SNTG1: variants seen among roughly 807,000 people sequenced by gnomAD.
SNTG1 encodes the protein syntrophin gamma 1, also known as gamma-1-syntrophin.
Under a neutral mutation model 74.7 loss-of-function variants are expected in SNTG1, and 39 were observed. That is an observed-to-expected ratio of 0.52 (90% CI 0.40 to 0.68). SNTG1 has a LOEUF of 0.68. SNTG1 is among the 30% of genes least tolerant of loss of function. The pLI is 0.00. For synonymous variants in SNTG1, 254 were observed against 217.1 expected (o/e 1.17, Z -1.49); for missense variants, 685 against 609.5 (o/e 1.12, Z -1.30).
At chr8:50,002,383 T>C (rs1342611462) in intron 1 of SNTG1, among the ~76,000 whole-genome samples, 1 of 152,236 alleles carries the variant, frequency 6.6e-6, no homozygotes, top group Middle Eastern at 3.4e-3. Flanking sequence ...CATATGTATG[T>C]AGAAAAAAAG....
intron 18 of SNTG1, among the ~76,000 whole-genome samples, chr8:50,776,127 T>C (rs1554632069): frequency 6.6e-6 from 1 of 151,148 alleles, no homozygotes; most frequent in Non-Finnish European, 1.5e-5. Context: ...TATTTATAAT[T>C]ATATATTTGA....
At chr8:49,915,064 C>G (rs1225288813) in intron 1 of SNTG1, 1 of 152,140 alleles carries the variant, frequency 6.6e-6, no homozygotes, top group African/African-American at 2.4e-5. Flanking sequence ...GAAACAAGTA[C>G]TACTTGACAG....
chr8:49,935,555 A>G (rs1228132745), intron 1 of SNTG1, among the ~76,000 whole-genome samples: 5 of 151,900 alleles, frequency 3.3e-5, no homozygotes, highest in South Asian at 4.1e-4. Context: ...AGAAAAAAAA[A>G]TCATGCAGCC....
chr8:50,041,673 C>G (rs1439725176), intron 1 of SNTG1, among the ~76,000 whole-genome samples: 1 of 152,120 alleles, frequency 6.6e-6, no homozygotes, highest in Non-Finnish European at 1.5e-5. Context: ...GACTGTGGAA[C>G]CATATTTGTG....
At chr8:49,944,214 G>A (rs1808951351) in intron 1 of SNTG1, among the ~76,000 whole-genome samples, 1 of 151,892 alleles carries the variant, frequency 6.6e-6, no homozygotes, top group South Asian at 2.1e-4. Flanking sequence ...CTGAGAAAAG[G>A]GCAGCTCCTA....
intron 2 of SNTG1, among the ~76,000 whole-genome samples, chr8:50,259,597 T>C (rs1169383045): frequency 6.6e-6 from 1 of 150,854 alleles, no homozygotes; most frequent in Non-Finnish European, 1.5e-5. Context: ...AAAAGCACAT[T>C]TCCAAATAAA....
intron 1 of SNTG1, among the ~76,000 whole-genome samples, chr8:49,987,649 C>CTTTT (rs35381511): frequency 3.8e-5 from 5 of 131,544 alleles, no homozygotes; most frequent in African/African-American, 8.7e-5. Flanking sequence ...TTAAATTAAC[C>CTTTT]TTTTTTTTTT....
chr8:49,938,040 G>A (rs1287992173), intron 1 of SNTG1, among the ~76,000 whole-genome samples: 2 of 151,876 alleles, frequency 1.3e-5, no homozygotes, highest in African/African-American at 4.8e-5. Flanking sequence ...CCCTTCCCTG[G>A]CTACAAAAGT....
intron 2 of SNTG1, among the ~76,000 whole-genome samples, chr8:50,187,178 T>C (rs1240350477): frequency 1.3e-5 from 2 of 152,096 alleles, no homozygotes; most frequent in East Asian, 1.9e-4. Context: ...TTAAATTTCA[T>C]ATGGAACCAA....
intron 9 of SNTG1, among the ~76,000 whole-genome samples, chr8:50,519,870 C>T (rs1259640320): frequency 6.6e-6 from 1 of 151,862 alleles, no homozygotes. Flanking sequence ...TGAAAATGGC[C>T]ATACTACCCA....
chr8:50,462,794 C>CTTTTT lies in SNTG1; in HGVS notation c.363+12066_363+12067insTTTTT, dbSNP rs2093576027. On this transcript the variant is annotated intron_variant, in intron 8 of 18. Coordinates refer to ENST00000642720, the MANE Select transcript of SNTG1 (RefSeq NM_018967.5). ...AACTCAGTCGCATCTTCAGGTTCTACTCTTTTTTTTTTTTTTTTTTTTTTT... is the reference window on the plus strand; with the variant it reads ...AACTCAGTCGCATCTTCAGGTTCTACTTTTTTCTTTTTTTTTTTTTTTTTTTTTTT... Among the ~76,000 whole-genome samples the CTTTTT allele has an allele frequency of 1.8e-4, 8 of 43,626 alleles. 2 individuals carry two copies. The highest frequency in any genetic ancestry group is 1.9e-4 in the Non-Finnish European group (4 of 21,436). 28.6% of individuals were successfully genotyped at this position (43,626 alleles called of 152,430 possible). A position where few individuals can be genotyped will look rare whatever the true frequency, so the allele number is the denominator to read the frequency against.
intron 1 of SNTG1, among the ~76,000 whole-genome samples, chr8:50,062,703 T>C (rs1056340737): frequency 1.3e-5 from 2 of 152,234 alleles, no homozygotes; most frequent in African/African-American, 4.8e-5. Flanking sequence ...TTACTTTTTC[T>C]TGGTCAGCAT....
intron 18 of SNTG1, among the ~76,000 whole-genome samples, chr8:50,787,224 G>A (rs1350478938): frequency 6.6e-6 from 1 of 151,808 alleles, no homozygotes; most frequent in Non-Finnish European, 1.5e-5. Flanking sequence ...TTGTCAATAA[G>A]CACAAGAAAT....
At chr8:50,367,093 A>G (rs1419653288) in intron 2 of SNTG1, among the ~76,000 whole-genome samples, 3 of 151,850 alleles carry the variant, frequency 2.0e-5, no homozygotes, top group Non-Finnish European at 1.5e-5. Flanking sequence ...AGAGTTGATG[A>G]TAATTGTTCT....
intron 17 of SNTG1, among the ~76,000 whole-genome samples, chr8:50,717,647 TCAGGGAGTTG>T (rs1293984543): frequency 2.6e-5 from 4 of 152,334 alleles, no homozygotes; most frequent in Admixed American, 6.5e-5. Flanking sequence ...TCAGAACACA[TCAGGGAGTTG>T]CTTCTGCAAA....
intron 13 of SNTG1, among the ~76,000 whole-genome samples, chr8:50,598,539 T>C (rs1470062962): frequency 6.6e-6 from 1 of 152,008 alleles, no homozygotes; most frequent in Non-Finnish European, 1.5e-5. Flanking sequence ...TTCTTTGTGT[T>C]CAAGATGGCT....
At chr8:50,341,445 GATA>G (rs1223731825) in intron 2 of SNTG1, among the ~76,000 whole-genome samples, 5 of 151,810 alleles carry the variant, frequency 3.3e-5, no homozygotes, top group African/African-American at 1.2e-4. Flanking sequence ...GAGCTAATAT[GATA>G]ATATTTATTA....
intron 17 of SNTG1, among the ~76,000 whole-genome samples, chr8:50,736,326 C>A (rs181154390): frequency 5.9e-5 from 9 of 152,038 alleles, no homozygotes; most frequent in Non-Finnish European, 1.3e-4. Flanking sequence ...TCAAAAAACA[C>A]AAAGAAGGGC....
chr8:49,959,379 T>C (rs543544955), intron 1 of SNTG1, among the ~76,000 whole-genome samples: 1 of 152,246 alleles, frequency 6.6e-6, no homozygotes, highest in Non-Finnish European at 1.5e-5. Context: ...CCAAATGCTC[T>C]GGCATCACAC....
Sources: gnomAD v4.1 joint callset for allele counts (sites outside exome capture counted in the v4.1 genomes callset) on GRCh38, gnomAD v4.1.1 for gene constraint, MANE v1.5 for transcripts, NCBI Gene and HGNC (gene_info 2026-07-23, HGNC 2026-07-21) for gene names.